SWT1: variants seen among roughly 807,000 people sequenced by gnomAD.
The protein encoded by SWT1 is SWT1 RNA endoribonuclease homolog.
SWT1 carries 33 observed loss-of-function variants against 107.3 expected under a neutral mutation model. The observed-to-expected ratio is 0.31, with a 90% CI of 0.23 to 0.41. The LOEUF (loss-of-function observed/expected upper bound fraction) is 0.41. SWT1 is among the 10% of genes least tolerant of loss of function. SWT1 has a pLI of 1.00. For missense variants in SWT1, 898 were observed against 1,028.9 expected (o/e 0.87, Z 1.74); for synonymous variants, 345 against 348.3 (o/e 0.99, Z 0.11).
At chr1:185,289,672 C>A (rs1191628649) in intron 18 of SWT1, among the ~76,000 whole-genome samples, 1 of 152,042 alleles carries the variant, frequency 6.6e-6, no homozygotes, top group Non-Finnish European at 1.5e-5. Flanking sequence ...GAATACTATT[C>A]ACTCTTAAAA....
chr1:185,268,520 T>A (rs1663565586), intron 16 of SWT1, among the ~76,000 whole-genome samples: 1 of 152,192 alleles, frequency 6.6e-6, no homozygotes, highest in East Asian at 1.9e-4. Context: ...CTCTGGATCG[T>A]TCACCATTGT....
chr1:185,277,139 T>TA (rs1439120959), intron 18 of SWT1, among the ~76,000 whole-genome samples: 1 of 152,200 alleles, frequency 6.6e-6, no homozygotes, highest in Non-Finnish European at 1.5e-5. Context: ...GTGGGATTCT[T>TA]ACAACTGCTT....
chr1:185,277,925 G>A (rs1664353645), intron 18 of SWT1, among the ~76,000 whole-genome samples: 1 of 150,994 alleles, frequency 6.6e-6, no homozygotes, highest in African/African-American at 2.4e-5. Flanking sequence ...AAAATGATTT[G>A]TTTTATAGCA....
chr1:185,283,099 A>G (rs1462105062), intron 18 of SWT1, among the ~76,000 whole-genome samples: 1 of 152,212 alleles, frequency 6.6e-6, no homozygotes, highest in South Asian at 2.1e-4. Flanking sequence ...CTCTGTCCCC[A>G]TGGAGTTGGG....
chr1:185,197,258 A>G (rs186133765), intron 10 of SWT1, among the ~76,000 whole-genome samples: 1 of 152,300 alleles, frequency 6.6e-6, no homozygotes, highest in Admixed American at 6.5e-5. Flanking sequence ...TATGTGATGG[A>G]TTACATTGAT....
chr1:185,157,944 T>A (rs1205756961), intron 1 of SWT1, among the ~76,000 whole-genome samples: 1 of 152,140 alleles, frequency 6.6e-6, no homozygotes, highest in African/African-American at 2.4e-5. Flanking sequence ...CTTTCTTGTT[T>A]CTTTCTTCTG....
chr1:185,290,551 CAT>C, intron 18 of SWT1, 121 bp from the exon 19 acceptor site: 1 of 559,032 alleles, frequency 1.8e-6, no homozygotes, highest in South Asian at 6.1e-5. Flanking sequence ...TTCAGAATAT[CAT>C]GTTATACATA....
At chr1:185,176,813 T>G (rs936878101) in intron 5 of SWT1, 1 of 489,858 alleles carries the variant, frequency 2.0e-6, no homozygotes, top group Non-Finnish European at 2.6e-6. Flanking sequence ...TGAAACATCA[T>G]CTCTACTAAA....
chr1:185,206,946 A>G (rs1658382719), intron 13 of SWT1, among the ~76,000 whole-genome samples, 183 bp downstream of exon 13: 1 of 152,194 alleles, frequency 6.6e-6, no homozygotes, highest in Non-Finnish European at 1.5e-5. Flanking sequence ...AGAGCTATGT[A>G]TTTGTGGAAA....
rs1655376159 is a variant in SWT1 at position 185,174,577 on chromosome 1, C to G, written c.430C>G (p.Leu144Val). ...CAAATTGACAAATGCTGGGAGCAAG[C>G]TTGACCATGGAATTAAAAGCCTTAG... Reference protein sequence around the residue: ...DIKLTNAGSKLDHGIKSLSSP... With the variant: ...DIKLTNAGSKVDHGIKSLSSP... The change falls in exon 5 of 19, where the codon CTT (leucine) becomes GTT (valine). Residue 144 changes from leucine (L) to valine (V), a missense_variant. Physicochemically the swap from Leu to Val is conservative, Grantham distance 32. Transcript: ENST00000367500. 6.2e-7 allele frequency: 1 copy of G among 1,608,374 alleles called. No individual in the cohort carries two copies. Among genetic ancestry groups the G allele is most frequent in the African/African-American group, 1.3e-5 (1 of 74,494 alleles).
At chr1:185,275,987 G>T (rs1289717343) in intron 17 of SWT1, among the ~76,000 whole-genome samples, 1 of 151,966 alleles carries the variant, frequency 6.6e-6, no homozygotes, top group African/African-American at 2.4e-5. Context: ...TGAAAATTTA[G>T]TCAATATATT....
intron 15 of SWT1, chr1:185,227,552 T>C: frequency 1.9e-6 from 1 of 518,108 alleles, no homozygotes. Flanking sequence ...ACTGTCATCC[T>C]GTATTTGAGT....
chr1:185,161,582 C>T (rs1307328109), intron 2 of SWT1, among the ~76,000 whole-genome samples: 3 of 151,812 alleles, frequency 2.0e-5, no homozygotes, highest in African/African-American at 7.3e-5. Flanking sequence ...CCTGTGTTCT[C>T]AGCTACTCAG....
intron 4 of SWT1, among the ~76,000 whole-genome samples, chr1:185,172,434 AAT>A (rs1223176925): frequency 6.6e-6 from 1 of 152,196 alleles, no homozygotes; most frequent in East Asian, 1.9e-4. Flanking sequence ...CCGTCATATG[AAT>A]ATGTCACTTT....
chr1:185,290,879 T>C lies in SWT1; in HGVS notation c.*76T>C. On this transcript the variant is annotated 3_prime_UTR_variant, in exon 19 of 19. Coordinates refer to ENST00000367500, the MANE Select transcript of SWT1 (RefSeq NM_017673.7). ...AGTAGTTTTCAATCTGGTCACTCTT[T>C]TGGGCCAAACCCAAGAGAATTTTAA... is the stretch of plus-strand genomic sequence containing the variant. 3 of 1,306,172 alleles carry C rather than the reference T, an allele frequency of 2.3e-6. No homozygotes were observed. The highest frequency in any genetic ancestry group is 3.1e-6 in the Non-Finnish European group (3 of 952,654). 80.9% of individuals were successfully genotyped at this position (1,306,172 alleles called of 1,614,324 possible). A position where few individuals can be genotyped will look rare whatever the true frequency, so the allele number is the denominator to read the frequency against.
intron 16 of SWT1, among the ~76,000 whole-genome samples, chr1:185,234,666 G>C (rs567721907): frequency 7.9e-5 from 12 of 152,126 alleles, no homozygotes; most frequent in Admixed American, 3.3e-4. Context: ...ATGTTAGCTG[G>C]TTTTCTTTGC....
intron 14 of SWT1, among the ~76,000 whole-genome samples, chr1:185,218,101 T>C (rs1174994384): frequency 6.6e-6 from 1 of 152,160 alleles, no homozygotes; most frequent in Non-Finnish European, 1.5e-5. Context: ...ATAGAATGTA[T>C]TAGATTTGAT....
chr1:185,222,210 T>G (rs561427494), intron 15 of SWT1, among the ~76,000 whole-genome samples, 174 bp downstream of exon 15: 4 of 151,438 alleles, frequency 2.6e-5, no homozygotes, highest in Non-Finnish European at 5.9e-5. Flanking sequence ...AAGTGTTAAG[T>G]GAAAAAAAAA....
At chr1:185,248,975 C>A (rs1015647266) in intron 16 of SWT1, among the ~76,000 whole-genome samples, 2 of 152,018 alleles carry the variant, frequency 1.3e-5, no homozygotes, top group African/African-American at 2.4e-5. Flanking sequence ...CAGTAACAAC[C>A]AATTATTTGT....
Sources: allele counts gnomAD v4.1 joint callset (sites outside exome capture counted in the v4.1 genomes callset), GRCh38; gene constraint gnomAD v4.1.1; transcripts MANE v1.5; gene names NCBI Gene and HGNC (gene_info 2026-07-23, HGNC 2026-07-21).